WDR44: variants seen among roughly 807,000 people sequenced by gnomAD.
The protein encoded by WDR44 is WD repeat-containing protein 44.
Under a neutral mutation model 65.7 loss-of-function variants are expected in WDR44, and 9 were observed. That is an observed-to-expected ratio of 0.14 (90% CI 0.08 to 0.24). The LOEUF is 0.24. Ranked by LOEUF, WDR44 falls within the 10% of genes least tolerant of loss-of-function variation. The pLI is 1.00. For missense variants in WDR44, 425 were observed against 670.9 expected (o/e 0.63, Z 4.05); for synonymous variants, 220 against 235.2 (o/e 0.94, Z 0.59).
chrX:118,363,850 TA>T (rs1299537153), intron 1 of WDR44, among the ~76,000 whole-genome samples: 1 of 112,441 alleles, frequency 8.9e-6, no homozygotes, highest in East Asian at 2.8e-4. Flanking sequence ...TCATATTGAG[TA>T]ATTAATAGAT....
At chrX:118,396,883 C>T in intron 6 of WDR44, 87 bp from the exon 7 acceptor site, 2 of 1,029,616 alleles carry the variant, frequency 1.9e-6, no homozygotes, top group South Asian at 2.7e-5. Context: ...AAGCCTTTAG[C>T]TTAAATTTTA....
intron 19 of WDR44, among the ~76,000 whole-genome samples, chrX:118,448,039 C>T (rs760287761): frequency 7.4e-5 from 8 of 108,031 alleles, no homozygotes; most frequent in Non-Finnish European, 1.3e-4. Flanking sequence ...CTTCTCTATC[C>T]TTTCTCATAT....
chrX:118,378,736 T>TGTGTGTGTGTGTGTGTGTGTGTGTG (rs1569362857), intron 2 of WDR44, among the ~76,000 whole-genome samples: 2 of 61,036 alleles, frequency 3.3e-5, no homozygotes, highest in African/African-American at 2.9e-4. Flanking sequence ...GTGTGTGTGT[T>TGTGTGTGTGTGTGTGTGTGTGTGTG]GAAAAAGTGA....
intron 12 of WDR44, among the ~76,000 whole-genome samples, chrX:118,430,649 G>A (rs1448273958): frequency 1.8e-5 from 2 of 111,341 alleles, no homozygotes; most frequent in African/African-American, 6.5e-5. Flanking sequence ...AGACCAGCCT[G>A]GCCAACATGG....
intron 1 of WDR44, among the ~76,000 whole-genome samples, chrX:118,364,728 T>C (rs985938120): frequency 8.9e-6 from 1 of 112,282 alleles, no homozygotes; most frequent in Non-Finnish European, 1.9e-5. Context: ...CCACAGAGAT[T>C]GTCTGTTCCA....
At chrX:118,401,502 C>G (rs1246101147) in intron 8 of WDR44, among the ~76,000 whole-genome samples, 54 of 79,533 alleles carry the variant, frequency 6.8e-4, no homozygotes, top group African/African-American at 1.3e-3. Flanking sequence ...CCTTCGCCCA[C>G]TTTTTGATGG....
intron 13 of WDR44, among the ~76,000 whole-genome samples, chrX:118,435,851 C>G (rs2057250029): frequency 1.8e-5 from 2 of 112,398 alleles, no homozygotes; most frequent in Admixed American, 1.9e-4. Context: ...GTACCTACTT[C>G]ATAGTGTTGC....
chrX:118,409,383 G>C, intron 10 of WDR44, 106 bp from the exon 11 acceptor site: 1 of 879,893 alleles, frequency 1.1e-6, no homozygotes. Context: ...ACCTGCCTCA[G>C]CCTCCCAAAG....
rs751474980 is a variant in WDR44 at position 118,440,631 on chromosome X, GT to G, written c.1975-736del. ...CCGTAAACACGCCCCCCCAAAAAAA[GT>G]CTGTGGTTAAATATGTTGAAAAGTG... On this transcript the variant is annotated intron_variant, in intron 14 of 19. Coordinates refer to ENST00000254029, the MANE Select transcript of WDR44 (RefSeq NM_019045.5). Among the ~76,000 whole-genome samples the G allele has an allele frequency of 2.0e-4, 22 of 111,331 alleles. No homozygotes were observed. The East Asian group carries it at 6.2e-3, about 31-fold the overall frequency.
chrX:118,443,963 T>C (rs1214354966), intron 18 of WDR44, among the ~76,000 whole-genome samples: 3 of 110,313 alleles, frequency 2.7e-5, no homozygotes, highest in Non-Finnish European at 5.7e-5. Flanking sequence ...GGAGAATCGC[T>C]GGAACCTGGG....
In WDR44 at chrX:118,404,371, A is replaced by G. The variant is rs1009802433; in HGVS notation, c.1308A>G (p.Val436=). 5 of 1,204,842 alleles carry G rather than the reference A, an allele frequency of 4.1e-6. No homozygotes were observed. In the African/African-American group the frequency reaches 8.8e-5, roughly 21 times the overall value. ...TQLKKFLGKS[V]KRAKHLAEEY... is the part of the protein sequence containing the mutation. ...TAAAGAAGTTTCTTGGAAAATCAGT[A>G]AAGAGAGCAAAGCACCTTGCTGAGG... The change falls in exon 9 of 20, where the codon GTA becomes GTG. Residue 436 remains valine (V), a synonymous_variant. Coordinates refer to ENST00000254029, the MANE Select transcript of WDR44 (RefSeq NM_019045.5).
At chrX:118,438,797 G>GTTTT (rs1213083479) in intron 14 of WDR44, among the ~76,000 whole-genome samples, 11 of 64,044 alleles carry the variant, frequency 1.7e-4, no homozygotes, top group Admixed American at 4.8e-4. Flanking sequence ...GTTCAGCCAT[G>GTTTT]TTTTTTTTTT....
chrX:118,433,298 C>T (rs1569383496), intron 13 of WDR44, among the ~76,000 whole-genome samples: 1 of 111,536 alleles, frequency 9.0e-6, no homozygotes, highest in Non-Finnish European at 1.9e-5. Context: ...ATTGATCTTT[C>T]TTGAACTACT....
chrX:118,363,832 G>T (rs1440437661), intron 1 of WDR44, among the ~76,000 whole-genome samples: 6 of 112,030 alleles, frequency 5.4e-5, no homozygotes. Context: ...TTACCAGTTT[G>T]CTAAAGATCA....
intron 12 of WDR44, among the ~76,000 whole-genome samples, chrX:118,418,398 T>C (rs1412901856): frequency 1.8e-5 from 2 of 111,514 alleles, no homozygotes; most frequent in Non-Finnish European, 1.9e-5. Context: ...TACTCTTCCC[T>C]TTTTCCTATG....
chrX:118,371,986 TTTTTTTATTTC>T (rs1184504983), intron 1 of WDR44, among the ~76,000 whole-genome samples: 2 of 100,900 alleles, frequency 2.0e-5, no homozygotes, highest in African/African-American at 7.7e-5. Flanking sequence ...TCTATTTTTC[TTTTTTTATTTC>T]TTTTTTTTTT....
At chrX:118,404,259 G>A (rs1414623592) in intron 8 of WDR44, 79 bp from the exon 9 acceptor site, 1 of 706,673 alleles carries the variant, frequency 1.4e-6, no homozygotes, top group Non-Finnish European at 2.2e-6. Context: ...TACTTTATCA[G>A]TCACAGCTGA....
Position 118,392,782 on chromosome X carries a change from A to T in WDR44, c.337A>T (p.Ile113Leu). 2 of 1,212,136 alleles carry T rather than the reference A, an allele frequency of 1.6e-6. No homozygotes were observed. The highest frequency in any genetic ancestry group is 2.2e-6 in the Non-Finnish European group (2 of 895,614). ...GAGCAATATACCCGGACTGTTAGCC[A>T]TAGATCAAGTACTACCGGAAGAATC... ...DLSNIPGLLA[I>L]DQVLPEESQK... Residue 113 changes from isoleucine to leucine, a missense_variant, in exon 4 of 20, where the codon ATA (isoleucine) becomes TTA (leucine). Ile to Leu is a conservative substitution (Grantham distance 5). Transcript: ENST00000254029.
At chrX:118,431,050 A>G (rs1444986100) in intron 12 of WDR44, among the ~76,000 whole-genome samples, 3 of 111,519 alleles carry the variant, frequency 2.7e-5, no homozygotes, top group Admixed American at 9.5e-5. Flanking sequence ...CACGAATAAT[A>G]GTGGTAGTTT....
Sources: allele counts gnomAD v4.1 joint callset (sites outside exome capture counted in the v4.1 genomes callset), GRCh38; gene constraint gnomAD v4.1.1; transcripts MANE v1.5; gene names NCBI Gene and HGNC (gene_info 2026-07-23, HGNC 2026-07-21).